The following PTPRE variants were observed in gnomAD, a reference collection of about 807,000 sequenced individuals.
PTPRE encodes receptor-type tyrosine-protein phosphatase epsilon.
In PTPRE, 51 loss-of-function variants were observed where a neutral mutation model predicts 102.0. That is an observed-to-expected ratio of 0.50 (90% confidence interval 0.40 to 0.63). The LOEUF is 0.63. Ranked by LOEUF, PTPRE falls within the 30% of genes least tolerant of loss-of-function variation. PTPRE has a pLI of 0.00. For synonymous variants in PTPRE, 345 were observed against 348.2 expected (o/e 0.99, Z 0.10); for missense variants, 752 against 915.1 (o/e 0.82, Z 2.30).
intron 2 of PTPRE, among the ~76,000 whole-genome samples, chr10:128,040,609 C>G (rs183276944): frequency 1.8e-4 from 27 of 152,124 alleles, no homozygotes; most frequent in African/African-American, 6.5e-4. Flanking sequence ...GGTTCCAGTC[C>G]CTGATCTGCC....
chr10:127,978,047 G>T (rs774187701), intron 1 of PTPRE, among the ~76,000 whole-genome samples: 1 of 152,118 alleles, frequency 6.6e-6, no homozygotes, highest in Non-Finnish European at 1.5e-5. Flanking sequence ...TGGCCATCCC[G>T]GGGCTTTCCT....
intron 1 of PTPRE, among the ~76,000 whole-genome samples, chr10:127,967,164 AT>A (rs1850319078): frequency 6.6e-6 from 1 of 152,252 alleles, no homozygotes; most frequent in African/African-American, 2.4e-5. Context: ...AGTTGACCGT[AT>A]TTTTTAATTG....
intron 2 of PTPRE, among the ~76,000 whole-genome samples, chr10:128,018,019 T>C (rs2135668009): frequency 6.6e-6 from 1 of 152,288 alleles, no homozygotes; most frequent in East Asian, 1.9e-4. Flanking sequence ...CAGGAGGGTC[T>C]GGCACAAACT....
intron 12 of PTPRE, 39 bp from the exon 13 acceptor site, chr10:128,069,653 G>C (rs1447635036): frequency 6.2e-7 from 1 of 1,611,962 alleles, no homozygotes; most frequent in Admixed American, 1.7e-5. Context: ...TTCGGGAGGA[G>C]TGTGACTCAC....
intron 2 of PTPRE, among the ~76,000 whole-genome samples, chr10:127,982,791 C>T (rs1392834665): frequency 6.6e-6 from 1 of 152,076 alleles, no homozygotes; most frequent in Admixed American, 6.5e-5. Context: ...TCAGTGGTGT[C>T]GCATAATTTT....
intron 1 of PTPRE, among the ~76,000 whole-genome samples, chr10:127,914,531 T>C (rs1378632747): frequency 1.3e-5 from 2 of 152,132 alleles, no homozygotes; most frequent in Non-Finnish European, 2.9e-5. Context: ...TCTTTGGAGG[T>C]GGGAAGGCCT....
intron 1 of PTPRE, among the ~76,000 whole-genome samples, chr10:127,955,332 AC>A (rs2135364171): frequency 6.6e-6 from 1 of 152,334 alleles, no homozygotes; most frequent in South Asian, 2.1e-4. Flanking sequence ...ATATATACAT[AC>A]ACACATAAAA....
intron 2 of PTPRE, among the ~76,000 whole-genome samples, chr10:128,003,544 A>G (rs1368409768): frequency 1.3e-5 from 2 of 152,226 alleles, no homozygotes; most frequent in Non-Finnish European, 2.9e-5. Flanking sequence ...AATAATATCC[A>G]TAAACAGTTT....
In PTPRE at chr10:128,073,683, T is replaced by C. The variant is rs765304201; in HGVS notation, c.1599+212T>C. 2.2e-4 allele frequency among the ~76,000 whole-genome samples: 33 copies of C among 152,386 alleles called. No individual in the cohort carries two copies. In the Middle Eastern group the frequency reaches 0.01, roughly 47 times the overall value. Reference sequence around the variant, plus strand: ...GTGAGGTTTAACCATAGCTACCCGCTGCCCTTTATCCTTAGCCTACATGTT... The same window carrying C: ...GTGAGGTTTAACCATAGCTACCCGCCGCCCTTTATCCTTAGCCTACATGTT... On this transcript the variant is annotated intron_variant, in intron 17 of 20. Transcript: ENST00000254667.
intron 1 of PTPRE, among the ~76,000 whole-genome samples, chr10:127,951,640 C>T (rs775243820): frequency 1.8e-4 from 27 of 152,218 alleles, no homozygotes; most frequent in Non-Finnish European, 2.5e-4. Flanking sequence ...CAGCAGCTGG[C>T]AGAATCCTCA....
chr10:127,908,235 A>T (rs1007789545), intron 1 of PTPRE, among the ~76,000 whole-genome samples: 3 of 152,176 alleles, frequency 2.0e-5, no homozygotes, highest in African/African-American at 2.4e-5. Context: ...TTTAGAGTGA[A>T]TGAGCGTATA....
intron 3 of PTPRE, among the ~76,000 whole-genome samples, chr10:128,041,385 C>T (rs568621487): frequency 6.6e-6 from 1 of 152,258 alleles, no homozygotes; most frequent in Admixed American, 6.5e-5. Flanking sequence ...TGCGGTGGCT[C>T]ATACCTGTAA....
Position 128,040,976 on chromosome 10 carries a change from C to A in PTPRE, c.95C>A (p.Thr32Lys). 1 of 1,614,126 alleles carries A rather than the reference C, an allele frequency of 6.2e-7. No homozygotes were observed. Among genetic ancestry groups the A allele is most frequent in the Admixed American group, 1.7e-5 (1 of 60,016 alleles). ...GAGACCACTGCCGACAGCAACGAGACAACCACGACCTCAGGTAAGGACCCC... is the reference window on the plus strand; with the variant it reads ...GAGACCACTGCCGACAGCAACGAGAAAACCACGACCTCAGGTAAGGACCCC... ...GNETTADSNE[T>K]TTTSGPPDPG... Residue 32 changes from threonine to lysine, a missense_variant, in exon 3 of 21, where the codon ACA (threonine) becomes AAA (lysine). Transcript: ENST00000254667.
chr10:128,030,649 G>A (rs1299032774), intron 2 of PTPRE, among the ~76,000 whole-genome samples: 1 of 152,072 alleles, frequency 6.6e-6, no homozygotes, highest in Non-Finnish European at 1.5e-5. Flanking sequence ...CATGAGAGTT[G>A]GCCTCTGCTT....
chr10:127,982,248 CTT>C (rs533069009), intron 1 of PTPRE, 24 bp from the exon 2 acceptor site: 1 of 1,250,678 alleles, frequency 8.0e-7, no homozygotes, highest in Non-Finnish European at 1.0e-6. Flanking sequence ...AGAAAACTGA[CTT>C]TTTTTTTCTT....
intron 2 of PTPRE, among the ~76,000 whole-genome samples, chr10:128,039,378 G>T (rs974718124): frequency 6.6e-6 from 1 of 151,974 alleles, no homozygotes; most frequent in Non-Finnish European, 1.5e-5. Flanking sequence ...GTTATTGTGC[G>T]GATAATACAG....
chr10:127,910,664 C>T (rs1845808166), intron 1 of PTPRE, among the ~76,000 whole-genome samples: 1 of 152,204 alleles, frequency 6.6e-6, no homozygotes, highest in African/African-American at 2.4e-5. Context: ...CGCTACTTCC[C>T]AGGGCTGCTG....
intron 1 of PTPRE, among the ~76,000 whole-genome samples, chr10:127,961,220 G>C (rs1239649962): frequency 6.6e-6 from 1 of 152,136 alleles, no homozygotes; most frequent in Non-Finnish European, 1.5e-5. Flanking sequence ...CCACACAAAT[G>C]AAAACGATTA....
chr10:127,988,368 C>T (rs1170520798), intron 2 of PTPRE, among the ~76,000 whole-genome samples: 3 of 144,332 alleles, frequency 2.1e-5, no homozygotes, highest in South Asian at 2.1e-4. Flanking sequence ...TTCGTTGGCA[C>T]AATCTGGGCT....
Sources: allele counts gnomAD v4.1 joint callset (sites outside exome capture counted in the v4.1 genomes callset), GRCh38; gene constraint gnomAD v4.1.1; transcripts MANE v1.5; gene names NCBI Gene and HGNC (gene_info 2026-07-23, HGNC 2026-07-21).